HDAC9: variants seen among roughly 807,000 people sequenced by gnomAD.
The protein encoded by HDAC9 is histone deacetylase 9.
Under a neutral mutation model 139.4 loss-of-function variants are expected in HDAC9, and 41 were observed. The observed-to-expected ratio is 0.29, with a 90% CI of 0.23 to 0.38. The LOEUF is 0.38. Ranked by LOEUF, HDAC9 falls within the 10% of genes least tolerant of loss-of-function variation. The pLI, the probability that HDAC9 is intolerant of heterozygous loss-of-function variation, is 1.00. For missense variants in HDAC9, 1,147 were observed against 1,297.0 expected (o/e 0.88, Z 1.78); for synonymous variants, 517 against 476.2 (o/e 1.09, Z -1.12).
At chr7:18,399,509 A>G (rs868088930) in intron 1 of HDAC9, among the ~76,000 whole-genome samples, 5 of 152,146 alleles carry the variant, frequency 3.3e-5, no homozygotes, top group African/African-American at 7.2e-5. Flanking sequence ...GTAAAACTCA[A>G]CTTTCATTTG....
At chr7:18,655,420 A>T (rs1790789711) in intron 11 of HDAC9, among the ~76,000 whole-genome samples, 1 of 152,264 alleles carries the variant, frequency 6.6e-6, no homozygotes, top group Admixed American at 6.5e-5. Flanking sequence ...CCTTAAATCG[A>T]TGTTATTCTG....
Position 18,394,527 on chromosome 7 carries a change from C to T in HDAC9, c.-41-101735C>T, listed in dbSNP as rs1436782193. Among the ~76,000 whole-genome samples, 4 of 152,160 alleles carry T rather than the reference C, an allele frequency of 2.6e-5. No homozygotes were observed. In the East Asian group the frequency reaches 7.7e-4, roughly 29 times the overall value. On this transcript the variant is annotated intron_variant, in intron 1 of 3. Transcript: ENST00000413509. ...TTCTTAAAAAGTACACATATTGGGA[C>T]CCTGTTTTGGAAATTCTGATTCAGT...
At chr7:18,626,588 G>A (rs1841783045) in intron 6 of HDAC9, among the ~76,000 whole-genome samples, 1 of 152,298 alleles carries the variant, frequency 6.6e-6, no homozygotes. Flanking sequence ...ATGAACTGAT[G>A]TTCAGCAAGA....
At chr7:18,513,892 A>C (rs549533758) in intron 2 of HDAC9, among the ~76,000 whole-genome samples, 55 of 152,338 alleles carry the variant, frequency 3.6e-4, no homozygotes, top group African/African-American at 1.3e-3. Context: ...AATTTGTTTG[A>C]TACTGCTAGT....
intron 2 of HDAC9, among the ~76,000 whole-genome samples, chr7:18,565,569 G>A (rs1461976981): frequency 2.6e-5 from 4 of 152,122 alleles, no homozygotes; most frequent in Non-Finnish European, 5.9e-5. Context: ...TAGAGAGGGA[G>A]GAGGAGAAGA....
At chr7:18,664,935 A>G (rs544031309) in intron 11 of HDAC9, among the ~76,000 whole-genome samples, 21 of 152,162 alleles carry the variant, frequency 1.4e-4, no homozygotes, top group African/African-American at 5.1e-4. Flanking sequence ...CACTCAGTAA[A>G]TATTTGTTGA....
intron 25 of HDAC9, among the ~76,000 whole-genome samples, chr7:18,978,700 T>C (rs2129339715): frequency 6.6e-6 from 1 of 152,338 alleles, no homozygotes; most frequent in East Asian, 1.9e-4. Context: ...AGTTTTCTTA[T>C]TGTTTGCTAG....
In HDAC9 at chr7:18,590,350, T is replaced by C. The variant is rs774615168; in HGVS notation, c.279T>C (p.Leu93=). The C allele has an allele frequency of 6.2e-7, 1 of 1,612,520 alleles. No individual in the cohort carries two copies. Among genetic ancestry groups the C allele is most frequent in the Non-Finnish European group, 8.5e-7 (1 of 1,179,310 alleles). ...CTTCTCGCAAGTTGCAACAGGAACT[T>C]CTAGCCATAAAACAGCAACAAGAAC... ...LQEHIKLQQE[L]LAIKQQQELL... is the part of the protein sequence containing the mutation. Residue 93 remains leucine (L), a synonymous_variant, in exon 4 of 26, where the codon CTT becomes CTC. Coordinates refer to ENST00000686413, the MANE Select transcript of HDAC9 (RefSeq NM_178425.4).
At chr7:18,751,828 C>G (rs1378644480) in intron 14 of HDAC9, among the ~76,000 whole-genome samples, 1 of 152,076 alleles carries the variant, frequency 6.6e-6, no homozygotes. Context: ...CTTATTTTCT[C>G]TTCCTGATTG....
chr7:18,744,012 G>GTTTTTT lies in HDAC9; in HGVS notation c.1910-4977_1910-4972dup, dbSNP rs35414332. Among the ~76,000 whole-genome samples the GTTTTTT allele has an allele frequency of 4.5e-4, 50 of 110,426 alleles. 1 individual carries two copies. The highest frequency in any genetic ancestry group is 4.4e-3 in the South Asian group (13 of 2,986). 72.4% of individuals were successfully genotyped at this position (110,426 alleles called of 152,430 possible). ...TTTTTACATCTCACTTTTACTACTA[G>GTTTTTT]TTTTTTTTTTTTTTTTTTTTTGAGA... is the stretch of plus-strand genomic sequence containing the variant. On this transcript the variant is annotated intron_variant, in intron 13 of 25. Transcript: ENST00000686413.
chr7:18,809,076 A>G (rs2129188770), intron 17 of HDAC9, among the ~76,000 whole-genome samples: 1 of 152,190 alleles, frequency 6.6e-6, no homozygotes, highest in Non-Finnish European at 1.5e-5. Flanking sequence ...GGGTATCAAG[A>G]ATACAAAATG....
intron 1 of HDAC9, among the ~76,000 whole-genome samples, chr7:18,334,864 C>T (rs1288478597): frequency 2.0e-5 from 3 of 151,290 alleles, no homozygotes; most frequent in Non-Finnish European, 3.0e-5. Context: ...AGATTACAGG[C>T]GGGGATGAGG....
intron 2 of HDAC9, among the ~76,000 whole-genome samples, chr7:18,273,061 T>G (rs1490641666): frequency 1.2e-4 from 5 of 41,104 alleles, no homozygotes; most frequent in African/African-American, 2.1e-4. Flanking sequence ...TCTTCGTTTT[T>G]TTTTTTTTTT....
At chr7:18,576,209 T>C (rs755124402) in intron 2 of HDAC9, among the ~76,000 whole-genome samples, 9 of 152,072 alleles carry the variant, frequency 5.9e-5, no homozygotes, top group Admixed American at 2.6e-4. Flanking sequence ...ACAGGTATTA[T>C]TGAGGCTGGA....
intron 2 of HDAC9, among the ~76,000 whole-genome samples, chr7:18,263,340 G>A (rs1438372831): frequency 6.6e-6 from 1 of 152,056 alleles, no homozygotes; most frequent in Non-Finnish European, 1.5e-5. Flanking sequence ...AATCTCTTCT[G>A]TAATATTATT....
chr7:18,676,860 TA>T (rs1387837355), intron 12 of HDAC9, among the ~76,000 whole-genome samples: 3 of 151,842 alleles, frequency 2.0e-5, no homozygotes, highest in Non-Finnish European at 2.9e-5. Flanking sequence ...TCTTAGGGAT[TA>T]AAAAAATTCT....
chr7:18,667,780 ACAC>A, intron 12 of HDAC9: 1 of 984,940 alleles, frequency 1.0e-6, no homozygotes, highest in African/African-American at 1.7e-5. Context: ...TAAGAAAATA[ACAC>A]CACAAGTAGG....
At chr7:18,591,707 C>T in intron 5 of HDAC9, 65 bp downstream of exon 5, 1 of 1,575,894 alleles carries the variant, frequency 6.3e-7, no homozygotes, top group Non-Finnish European at 8.6e-7. Flanking sequence ...ATTTAGCCGA[C>T]CTGGGTACAC....
At chr7:18,939,937 C>T (rs1781909960) in intron 23 of HDAC9, among the ~76,000 whole-genome samples, 1 of 152,122 alleles carries the variant, frequency 6.6e-6, no homozygotes. Context: ...CAAGAGGGGC[C>T]TTTCTGAGGG....
Sources: gnomAD v4.1 joint callset for allele counts (sites outside exome capture counted in the v4.1 genomes callset) on GRCh38, gnomAD v4.1.1 for gene constraint, MANE v1.5 for transcripts, NCBI Gene and HGNC (gene_info 2026-07-23, HGNC 2026-07-21) for gene names.